The following AK9 variants were observed in gnomAD, a reference collection of about 807,000 sequenced individuals.
AK9 encodes adenylate kinase domain containing 1.
AK9 carries 191 observed loss-of-function variants against 239.6 expected under a neutral mutation model. The ratio of observed to expected loss-of-function variants is 0.80; its 90% CI spans 0.71 to 0.90. The LOEUF is 0.90. AK9 is among the 40% of genes least tolerant of loss of function. The probability of loss-of-function intolerance (pLI) is 0.00; values close to 1 mark genes in which losing one functional copy is unlikely to be tolerated. For missense variants in AK9, 1,995 were observed against 2,214.7 expected (o/e 0.90, Z 1.99); for synonymous variants, 689 against 721.0 (o/e 0.96, Z 0.71).
At chr6:109,629,961 A>T (rs569489136) in intron 12 of AK9, among the ~76,000 whole-genome samples, 5 of 152,228 alleles carry the variant, frequency 3.3e-5, no homozygotes, top group Non-Finnish European at 5.9e-5. Context: ...CACATTAAAA[A>T]CCAGGTGATG....
chr6:109,493,999 T>C lies in AK9; in HGVS notation c.5515A>G (p.Ile1839Val), dbSNP rs754869300. 2 of 1,610,994 alleles carry C rather than the reference T, an allele frequency of 1.2e-6. No homozygotes were observed. Among genetic ancestry groups the C allele is most frequent in the East Asian group, 2.2e-5 (1 of 44,828 alleles). The change falls in exon 40 of 41, where the codon ATA (isoleucine) becomes GTA (valine). Residue 1839 changes from isoleucine (I) to valine (V), a missense_variant. By Grantham distance (29) the Ile-to-Val change is conservative. This residue lies in a region of AK9 where 391 missense variants were observed against 456.0 expected (regional missense o/e 0.86). Transcript: ENST00000424296. ...LSIRRSALLY[I>V]ALHLKAFNPK... is the part of the protein sequence containing the mutation. Reference sequence around the variant, plus strand: ...GACATACCTTTGAGATGAAGTGCTATATATAGCAGTGCAGATCTCCTTATA... The same window carrying C: ...GACATACCTTTGAGATGAAGTGCTACATATAGCAGTGCAGATCTCCTTATA...
intron 17 of AK9, among the ~76,000 whole-genome samples, chr6:109,590,362 C>T (rs943271023): frequency 2.6e-5 from 4 of 152,092 alleles, no homozygotes; most frequent in Non-Finnish European, 5.9e-5. Flanking sequence ...CACAGAGATG[C>T]TGATAGTAGT....
At position 109,614,397 on chromosome 6, in the gene AK9, T is replaced by TA; in HGVS notation, c.1482_1483insT (p.Ile495TyrfsTer2). 5.2e-6 allele frequency: 8 copies of TA among 1,551,268 alleles called. No homozygotes were observed. The highest frequency in any genetic ancestry group is 6.1e-6 in the Non-Finnish European group (7 of 1,146,656). Reference sequence around the variant, plus strand: ...TATATTTCTTTACCTTCTTCATCAATTGATGAGTGTGTTGCCTCCATTGGG... The same window carrying TA: ...TATATTTCTTTACCTTCTTCATCAATATGATGAGTGTGTTGCCTCCATTGGG... On this transcript the variant is annotated frameshift_variant, in exon 14 of 41. Coordinates refer to ENST00000424296, the MANE Select transcript of AK9 (RefSeq NM_001145128.3). LOFTEE classifies it high-confidence loss of function.
chr6:109,674,631 G>A (rs1771439809), intron 2 of AK9, among the ~76,000 whole-genome samples: 1 of 152,152 alleles, frequency 6.6e-6, no homozygotes, highest in South Asian at 2.1e-4. Context: ...TCATAATCAT[G>A]AATGTTTTGA....
chr6:109,668,109 G>C (rs188268262), intron 5 of AK9, among the ~76,000 whole-genome samples: 1 of 152,226 alleles, frequency 6.6e-6, no homozygotes, highest in Non-Finnish European at 1.5e-5. Flanking sequence ...GGTGTGAGAT[G>C]ATATCTCATT....
At chr6:109,593,877 A>T (rs1489905920) in intron 17 of AK9, among the ~76,000 whole-genome samples, 1 of 152,184 alleles carries the variant, frequency 6.6e-6, no homozygotes, top group Non-Finnish European at 1.5e-5. Context: ...AAATAATAAG[A>T]GCTATTTATG....
chr6:109,570,171 A>C (rs1446272441), intron 21 of AK9, among the ~76,000 whole-genome samples: 1 of 152,122 alleles, frequency 6.6e-6, no homozygotes, highest in East Asian at 1.9e-4. Flanking sequence ...TCAGCAAACT[A>C]TCACAAGGAT....
chr6:109,514,169 G>T, intron 32 of AK9, 55 bp downstream of exon 32: 1 of 1,471,610 alleles, frequency 6.8e-7, no homozygotes, highest in Non-Finnish European at 9.2e-7. Flanking sequence ...CATGTGCATT[G>T]GGTACAAGCA....
At chr6:109,523,015 C>T (rs768915719) in intron 29 of AK9, among the ~76,000 whole-genome samples, 16 of 152,142 alleles carry the variant, frequency 1.1e-4, no homozygotes, top group Admixed American at 4.6e-4. Context: ...GGGCAAATGT[C>T]GCTGTTAAGT....
In AK9 at chr6:109,506,490, ATACTT is replaced by A. The variant is rs751547040; in HGVS notation, c.4681_4685del (p.Lys1561SerfsTer6). Reference sequence around the variant, plus strand: ...GCCTAATCTCACCAATATTTTTGCGATACTTTACATTATTGACAGCTACAATTTGT... The same window carrying A: ...GCCTAATCTCACCAATATTTTTGCGATACATTATTGACAGCTACAATTTGT... On this transcript the variant is annotated frameshift_variant, in exon 35 of 41. Transcript: ENST00000424296. LOFTEE classifies it high-confidence loss of function. 1.2e-6 allele frequency: 2 copies of A among 1,612,426 alleles called. No homozygotes were observed. Among genetic ancestry groups the A allele is most frequent in the Admixed American group, 1.7e-5 (1 of 59,802 alleles).
In AK9 at chr6:109,629,895, C is replaced by T. The variant is rs779649834; in HGVS notation, c.1254+3028G>A. Among the ~76,000 whole-genome samples the T allele has an allele frequency of 3.2e-4, 49 of 151,918 alleles. 1 individual carries two copies. Among genetic ancestry groups the T allele is most frequent in the Non-Finnish European group, 3.5e-4 (24 of 67,976 alleles). ...TGATCTACCCGCCTCGGCCTCCCAACGTGCTGGGATTACAGGCGTGAGCCA... is the reference window on the plus strand; with the variant it reads ...TGATCTACCCGCCTCGGCCTCCCAATGTGCTGGGATTACAGGCGTGAGCCA... On this transcript the variant is annotated intron_variant, in intron 12 of 40. Transcript: ENST00000424296.
At position 109,577,315 on chromosome 6, in the gene AK9, A is replaced by G. The variant is rs563913037; in HGVS notation, c.2191+2235T>C. On this transcript the variant is annotated intron_variant, in intron 20 of 40. Transcript: ENST00000424296. ...TTTATTGACTTGTGTATGTTAAACC[A>G]TCCTTCCATCCCTGGTATGAAACCC... Among the ~76,000 whole-genome samples the G allele has an allele frequency of 2.6e-5, 4 of 152,334 alleles. 1 individual carries two copies. The East Asian group carries it at 7.7e-4, about 29-fold the overall frequency.
In AK9 at chr6:109,515,910, G is replaced by A. The variant is rs954642301; in HGVS notation, c.4012C>T (p.Leu1338Phe). The change falls in exon 31 of 41, where the codon CTC becomes TTC. Residue 1338 changes from leucine to phenylalanine, a missense_variant. Physicochemically the swap from Leu to Phe is conservative, Grantham distance 22. Coordinates refer to ENST00000424296, the MANE Select transcript of AK9 (RefSeq NM_001145128.3). The stretch of plus-strand genomic sequence containing the variant: ...CTTATATACTTGTAGGTAAAGGTGA[G>A]CATTTTCTGGGCAAGGGGTGCTGGT... ...PIPAPLAQKM[L>F]TFTYKYISSF... is the part of the protein sequence containing the mutation. 3.2e-6 allele frequency: 5 copies of A among 1,551,686 alleles called. No homozygotes were observed. Among genetic ancestry groups the A allele is most frequent in the African/African-American group, 2.7e-5 (2 of 73,024 alleles).
At chr6:109,593,322 T>C (rs552321389) in intron 17 of AK9, among the ~76,000 whole-genome samples, 1 of 152,152 alleles carries the variant, frequency 6.6e-6, no homozygotes, top group Admixed American at 6.5e-5. Context: ...CCAGGAAAAG[T>C]CAAGTCCCTG....
chr6:109,626,343 G>A (rs1336017401), intron 12 of AK9, among the ~76,000 whole-genome samples: 6 of 152,098 alleles, frequency 3.9e-5, no homozygotes, highest in Non-Finnish European at 7.4e-5. Context: ...TATGGGTAAC[G>A]TTTTCCTGTT....
At chr6:109,610,941 G>C (rs1000878845) in intron 16 of AK9, among the ~76,000 whole-genome samples, 3 of 152,144 alleles carry the variant, frequency 2.0e-5, no homozygotes. Flanking sequence ...AAGTTGGAGG[G>C]GATGGAGAAA....
chr6:109,535,185 T>C (rs1228148635), intron 27 of AK9, among the ~76,000 whole-genome samples: 1 of 152,182 alleles, frequency 6.6e-6, no homozygotes, highest in Non-Finnish European at 1.5e-5. Context: ...CGCCACACTG[T>C]CTTCCACAAT....
At chr6:109,660,056 T>C (rs1345283838) in intron 6 of AK9, among the ~76,000 whole-genome samples, 13 of 152,204 alleles carry the variant, frequency 8.5e-5, no homozygotes, top group Admixed American at 8.5e-4. Context: ...CCCTGTAAGA[T>C]AAGCAATCCA....
intron 25 of AK9, among the ~76,000 whole-genome samples, chr6:109,547,109 T>C (rs527666532): frequency 4.8e-4 from 73 of 152,194 alleles, no homozygotes; most frequent in South Asian, 4.8e-3. Context: ...GTGGCCACAG[T>C]CCTTAAATGA....
Sources: gnomAD v4.1 joint callset for allele counts (sites outside exome capture counted in the v4.1 genomes callset) on GRCh38, gnomAD v4.1.1 for gene constraint, gnomAD v4.1.1 regional missense constraint, MANE v1.5 for transcripts, NCBI Gene and HGNC (gene_info 2026-07-23, HGNC 2026-07-21) for gene names.